The following TLE4 variants were observed in gnomAD, a reference collection of about 807,000 sequenced individuals.
TLE4 encodes the protein transducin-like enhancer protein 4.
TLE4 carries 8 observed loss-of-function variants against 92.8 expected under a neutral mutation model. The ratio of observed to expected loss-of-function variants is 0.09; its 90% CI spans 0.05 to 0.16. The LOEUF (loss-of-function observed/expected upper bound fraction) is 0.16. Among genes scored for constraint, TLE4 ranks in the 10% least tolerant of loss-of-function variants. The pLI is 1.00. For missense variants in TLE4, 675 were observed against 997.6 expected, an observed-to-expected ratio of 0.68 and a Z score of 4.36; for synonymous variants, 371 against 374.1, an observed-to-expected ratio of 0.99 and a Z score of 0.10.
intron 8 of TLE4, among the ~76,000 whole-genome samples, chr9:79,686,621 G>C (rs1263544142): frequency 6.6e-6 from 1 of 152,210 alleles, no homozygotes; most frequent in Admixed American, 6.5e-5. Flanking sequence ...CTGGAGTTGT[G>C]CTGCCACAAA....
intron 5 of TLE4, among the ~76,000 whole-genome samples, chr9:79,625,706 A>G (rs2052438690): frequency 6.6e-6 from 1 of 152,120 alleles, no homozygotes; most frequent in African/African-American, 2.4e-5. Context: ...GGGGAACCTG[A>G]AATGACAATT....
intron 8 of TLE4, among the ~76,000 whole-genome samples, chr9:79,655,505 C>T (rs1411584582): frequency 6.6e-6 from 1 of 152,128 alleles, no homozygotes; most frequent in Non-Finnish European, 1.5e-5. Context: ...CTGTTTTACC[C>T]TTCAAGAATC....
At chr9:79,628,580 C>CA (rs199982958) in intron 6 of TLE4, among the ~76,000 whole-genome samples, 2,389 of 135,950 alleles carry the variant, frequency 0.018, 58 homozygotes, top group African/African-American at 0.06. Flanking sequence ...TCCCTCTGAC[C>CA]AAAAAAAAAA....
chr9:79,586,951 T>A (rs1320497987), intron 4 of TLE4, among the ~76,000 whole-genome samples: 6 of 152,196 alleles, frequency 3.9e-5, no homozygotes, highest in Admixed American at 3.9e-4. Context: ...CCTTTTTTTG[T>A]GTGGGTTAGA....
At chr9:79,613,324 C>T (rs1237799563) in intron 5 of TLE4, among the ~76,000 whole-genome samples, 1 of 152,068 alleles carries the variant, frequency 6.6e-6, no homozygotes, top group Non-Finnish European at 1.5e-5. Flanking sequence ...TAAGGCCTGG[C>T]ATGCGGCTCA....
intron 6 of TLE4, among the ~76,000 whole-genome samples, chr9:79,631,928 T>C (rs1204544206): frequency 2.0e-5 from 3 of 152,178 alleles, no homozygotes; most frequent in Non-Finnish European, 4.4e-5. Context: ...AATATACCCC[T>C]GTGGATACAT....
chr9:79,697,173 A>G (rs750697155), intron 8 of TLE4, among the ~76,000 whole-genome samples: 1 of 152,206 alleles, frequency 6.6e-6, no homozygotes, highest in South Asian at 2.1e-4. Flanking sequence ...ACAAATGGAC[A>G]CAGAAATGTT....
chr9:79,704,663 A>G (rs2071001185), intron 8 of TLE4, 120 bp from the exon 9 acceptor site: 4 of 1,359,228 alleles, frequency 2.9e-6, no homozygotes, highest in South Asian at 1.4e-5. Flanking sequence ...ATCTCCTCTT[A>G]ACAGCTTTGC....
intron 8 of TLE4, among the ~76,000 whole-genome samples, chr9:79,657,390 A>G (rs2059922379): frequency 2.0e-5 from 3 of 152,326 alleles, no homozygotes; most frequent in Admixed American, 6.5e-5. Context: ...TCTCATCCCT[A>G]GAAAAGTCGT....
intron 4 of TLE4, among the ~76,000 whole-genome samples, chr9:79,610,963 T>C (rs74745241): frequency 0.03 from 4,488 of 152,116 alleles, 116 homozygotes; most frequent in Non-Finnish European, 0.047. Context: ...AAAATATGCT[T>C]GGCAGATGGT....
chr9:79,687,154 TC>T (rs1360734318), intron 8 of TLE4, among the ~76,000 whole-genome samples: 2 of 152,198 alleles, frequency 1.3e-5, no homozygotes, highest in East Asian at 3.9e-4. Context: ...TAGCCTACAT[TC>T]TTCTTCTCCC....
At chr9:79,658,422 A>C (rs2060066402) in intron 8 of TLE4, among the ~76,000 whole-genome samples, 1 of 151,836 alleles carries the variant, frequency 6.6e-6, no homozygotes, top group African/African-American at 2.4e-5. Flanking sequence ...ATAATGATTC[A>C]TTCATTATTT....
intron 14 of TLE4, among the ~76,000 whole-genome samples, chr9:79,711,863 C>T (rs1459376929): frequency 1.3e-5 from 2 of 152,176 alleles, no homozygotes; most frequent in Non-Finnish European, 2.9e-5. Context: ...GTCACATCTA[C>T]TGCAGTTGGC....
At chr9:79,581,494 G>C (rs2039652788) in intron 4 of TLE4, among the ~76,000 whole-genome samples, 1 of 152,200 alleles carries the variant, frequency 6.6e-6, no homozygotes, top group Non-Finnish European at 1.5e-5. Flanking sequence ...CTAAGGCAGT[G>C]ATTCTTGAGT....
At chr9:79,573,926 G>A in intron 2 of TLE4, 140 bp downstream of exon 2, 1 of 446,868 alleles carries the variant, frequency 2.2e-6, no homozygotes, top group Non-Finnish European at 3.8e-6. Flanking sequence ...GGCAGAAAGG[G>A]CAAATCAAGG....
chr9:79,605,671 C>T (rs889129359), intron 4 of TLE4, among the ~76,000 whole-genome samples: 12 of 151,926 alleles, frequency 7.9e-5, no homozygotes, highest in East Asian at 1.9e-4. Context: ...GTGGGTATAC[C>T]GTGATTCTCT....
At chr9:79,654,215 T>A in intron 8 of TLE4, 140 bp downstream of exon 8, 1 of 845,540 alleles carries the variant, frequency 1.2e-6, no homozygotes, top group Non-Finnish European at 1.8e-6. Context: ...AAAATTACTT[T>A]CAGGTGTGTG....
chr9:79,572,893 C>G (rs560466052), intron 1 of TLE4, 58 bp downstream of exon 1: 1 of 1,540,636 alleles, frequency 6.5e-7, no homozygotes, highest in South Asian at 1.2e-5. Flanking sequence ...CCCGCGTCGC[C>G]CCCTGCGCAC....
At chr9:79,600,652 T>C (rs1485966384) in intron 4 of TLE4, among the ~76,000 whole-genome samples, 3 of 152,196 alleles carry the variant, frequency 2.0e-5, no homozygotes, top group African/African-American at 7.2e-5. Context: ...GCTCAACACG[T>C]GATGCTGCAG....
Sources: allele counts gnomAD v4.1 joint callset (sites outside exome capture counted in the v4.1 genomes callset), GRCh38; gene constraint gnomAD v4.1.1; transcripts MANE v1.5; gene names NCBI Gene and HGNC (gene_info 2026-07-23, HGNC 2026-07-21).